Variants in COX10 observed in about 807,000 individuals in gnomAD.
The protein encoded by COX10 is protoheme IX farnesyltransferase, mitochondrial.
COX10 carries 27 observed loss-of-function variants against 37.3 expected under a neutral mutation model. The ratio of observed to expected loss-of-function variants is 0.72; its 90% CI spans 0.53 to 1.00. The LOEUF (loss-of-function observed/expected upper bound fraction) is 1.00, where lower values mean the gene tolerates loss of function less well. COX10 is among the 50% of genes least tolerant of loss of function. The pLI is 0.00. For synonymous variants in COX10, 222 were observed against 229.1 expected (o/e 0.97, Z 0.28); for missense variants, 475 against 563.2 (o/e 0.84, Z 1.59).
chr17:14,099,797 AGT>A (rs1567590842), intron 3 of COX10, among the ~76,000 whole-genome samples: 1 of 151,834 alleles, frequency 6.6e-6, no homozygotes, highest in Non-Finnish European at 1.5e-5. Flanking sequence ...CCTGAGCTTT[AGT>A]TTCATATTTC....
At chr17:14,188,056 A>G (rs183990240) in intron 5 of COX10, among the ~76,000 whole-genome samples, 1 of 151,650 alleles carries the variant, frequency 6.6e-6, no homozygotes, top group Non-Finnish European at 1.5e-5. Flanking sequence ...TCTGAATCCA[A>G]CTGGCCTCCA....
At chr17:14,128,544 G>T (rs913949590) in intron 4 of COX10, among the ~76,000 whole-genome samples, 18 of 152,132 alleles carry the variant, frequency 1.2e-4, no homozygotes, top group African/African-American at 4.3e-4. Flanking sequence ...GTAGCTTAGG[G>T]TGCAAATTAT....
intron 5 of COX10, among the ~76,000 whole-genome samples, chr17:14,175,463 C>A (rs868789773): frequency 1.3e-5 from 2 of 151,646 alleles, no homozygotes; most frequent in Admixed American, 1.3e-4. Flanking sequence ...AGGTTTGTGC[C>A]TTCCACCTCA....
At chr17:14,153,079 A>G (rs1904950563) in intron 4 of COX10, among the ~76,000 whole-genome samples, 1 of 152,202 alleles carries the variant, frequency 6.6e-6, no homozygotes, top group African/African-American at 2.4e-5. Context: ...CTGTACAGAA[A>G]GGGGATTCTG....
At chr17:14,090,703 A>G (rs1915507729) in intron 3 of COX10, among the ~76,000 whole-genome samples, 1 of 152,122 alleles carries the variant, frequency 6.6e-6, no homozygotes, top group Non-Finnish European at 1.5e-5. Flanking sequence ...ACTCCTTTTT[A>G]TCCTTCAGTC....
chr17:14,128,637 A>G (rs1253351126), intron 4 of COX10, among the ~76,000 whole-genome samples: 1 of 152,148 alleles, frequency 6.6e-6, no homozygotes, highest in African/African-American at 2.4e-5. Context: ...AAATGCTTTC[A>G]CCAAAAATAT....
intron 5 of COX10, among the ~76,000 whole-genome samples, chr17:14,191,021 C>G (rs1179572168): frequency 4.6e-5 from 7 of 152,092 alleles, no homozygotes; most frequent in Admixed American, 3.3e-4. Context: ...CTGAACACTA[C>G]ACAAACATAT....
intron 6 of COX10, among the ~76,000 whole-genome samples, chr17:14,192,645 A>G (rs1906241400): frequency 6.6e-6 from 1 of 152,192 alleles, no homozygotes; most frequent in African/African-American, 2.4e-5. Flanking sequence ...TTCCCCTCTT[A>G]TGAAAGGGCA....
intron 3 of COX10, among the ~76,000 whole-genome samples, chr17:14,087,513 G>A (rs1193392424): frequency 1.3e-5 from 2 of 152,070 alleles, no homozygotes; most frequent in East Asian, 3.9e-4. Flanking sequence ...TCGGTTGAAC[G>A]GATGCAGGGT....
At chr17:14,103,897 G>C (rs1023383644) in intron 4 of COX10, among the ~76,000 whole-genome samples, 1 of 152,116 alleles carries the variant, frequency 6.6e-6, no homozygotes, top group Non-Finnish European at 1.5e-5. Flanking sequence ...TTAAAAATAC[G>C]GGGGAAAGCC....
At chr17:14,170,660 A>T (rs1030671589) in intron 5 of COX10, among the ~76,000 whole-genome samples, 2 of 152,092 alleles carry the variant, frequency 1.3e-5, no homozygotes, top group South Asian at 2.1e-4. Flanking sequence ...ACAGAAAAAA[A>T]TTTTAAAATT....
intron 5 of COX10, among the ~76,000 whole-genome samples, chr17:14,184,193 A>C (rs1193581903): frequency 3.3e-5 from 5 of 152,162 alleles, no homozygotes; most frequent in African/African-American, 9.7e-5. Context: ...TACCTAAGCA[A>C]GTTTGACTTG....
chr17:14,165,313 G>C (rs2530376), intron 5 of COX10, among the ~76,000 whole-genome samples: 88,263 of 151,928 alleles, frequency 0.58, 26,048 homozygotes, highest in Non-Finnish European at 0.63. Context: ...GCAGATTTTT[G>C]CAGCAGCATA....
intron 4 of COX10, among the ~76,000 whole-genome samples, chr17:14,130,917 C>G (rs1024873106): frequency 2.0e-5 from 3 of 152,096 alleles, no homozygotes; most frequent in African/African-American, 7.2e-5. Context: ...TTTGAAAACC[C>G]ATGATTTAGT....
At chr17:14,090,253 T>C (rs537236369) in intron 3 of COX10, among the ~76,000 whole-genome samples, 2 of 152,200 alleles carry the variant, frequency 1.3e-5, no homozygotes, top group African/African-American at 4.8e-5. Flanking sequence ...TATGAAGGGC[T>C]TGGTTTTTAC....
chr17:14,170,105 A>T (rs1905416038), intron 5 of COX10, among the ~76,000 whole-genome samples: 2 of 152,240 alleles, frequency 1.3e-5, no homozygotes. Context: ...AGCCAGAGCC[A>T]TGCCCTTGAA....
At chr17:14,180,031 G>A (rs2142255213) in intron 5 of COX10, among the ~76,000 whole-genome samples, 1 of 152,308 alleles carries the variant, frequency 6.6e-6, no homozygotes, top group South Asian at 2.1e-4. Flanking sequence ...AAGTATTATA[G>A]GGCTTTACAG....
intron 4 of COX10, among the ~76,000 whole-genome samples, chr17:14,144,779 T>A (rs576338733): frequency 7.2e-5 from 11 of 152,186 alleles, no homozygotes; most frequent in Non-Finnish European, 1.6e-4. Flanking sequence ...GGCTACGATG[T>A]GAGCTCAAAG....
intron 4 of COX10, among the ~76,000 whole-genome samples, chr17:14,131,294 A>G (rs1168553920): frequency 6.6e-6 from 1 of 152,134 alleles, no homozygotes; most frequent in Non-Finnish European, 1.5e-5. Flanking sequence ...ACAATACGCT[A>G]CAACAGATGA....
Sources: gnomAD v4.1 joint callset for allele counts (sites outside exome capture counted in the v4.1 genomes callset) on GRCh38, gnomAD v4.1.1 for gene constraint, MANE v1.5 for transcripts, NCBI Gene and HGNC (gene_info 2026-07-23, HGNC 2026-07-21) for gene names.